WRN: variants seen among roughly 807,000 people sequenced by gnomAD.
WRN encodes the protein bifunctional 3'-5' exonuclease/ATP-dependent helicase WRN.
WRN carries 149 observed loss-of-function variants against 180.7 expected under a neutral mutation model. The ratio of observed to expected loss-of-function variants is 0.82; its 90% CI spans 0.72 to 0.94. WRN has a LOEUF of 0.94. Among genes scored for constraint, WRN ranks in the 40% least tolerant of loss-of-function variants. The pLI is 0.00. For missense variants in WRN, 1,661 were observed against 1,700.1 expected (o/e 0.98, Z 0.40); for synonymous variants, 548 against 568.9 (o/e 0.96, Z 0.52).
intron 33 of WRN, among the ~76,000 whole-genome samples, chr8:31,163,354 A>T (rs1372397714): frequency 1.3e-5 from 2 of 152,238 alleles, no homozygotes; most frequent in African/African-American, 2.4e-5. Context: ...TAGATTTAGA[A>T]ATGAAACTGG....
chr8:31,167,891 G>A (rs1039853249), intron 34 of WRN, among the ~76,000 whole-genome samples: 4 of 151,886 alleles, frequency 2.6e-5, no homozygotes, highest in African/African-American at 9.7e-5. Flanking sequence ...GGTATCTTCC[G>A]GGTCTAAAAT....
chr8:31,132,053 T>C (rs1024554528), intron 23 of WRN, among the ~76,000 whole-genome samples: 3 of 151,420 alleles, frequency 2.0e-5, no homozygotes, highest in Non-Finnish European at 2.9e-5. Context: ...GCTATAAATA[T>C]GGCAACTCTG....
Position 31,081,292 on chromosome 8 carries a change from C to G in WRN, c.1265C>G (p.Thr422Ser). ...CTTAGTGATATTGCTTATAAATCTA[C>G]TGAGGTACTAAATAAAGAGGAAGCA... ...EYLSDIAYKS[T>S]EHLSPNDNEN... The change falls in exon 9 of 35, where the codon ACT becomes AGT. Residue 422 changes from threonine to serine, a missense_variant. This residue lies in a region of WRN where 500 missense variants were observed against 504.1 expected (regional missense o/e 0.99). Coordinates refer to ENST00000298139, the MANE Select transcript of WRN (RefSeq NM_000553.6). 2 of 1,613,322 alleles carry G rather than the reference C, an allele frequency of 1.2e-6. No homozygotes were observed. Among genetic ancestry groups the G allele is most frequent in the Non-Finnish European group, 1.7e-6 (2 of 1,179,512 alleles).
Position 31,059,160 on chromosome 8 carries a change from T to C in WRN, c.104T>C (p.Val35Ala), listed in dbSNP as rs538178496. ...AAATTTACTAAACTCAAGGCATGTG[T>C]TCGGAAGAGTGTTTTTGAAGATGAC... ...RCAVEERKAC[V>A]RKSVFEDDLP... The change falls in exon 3 of 35, where the codon GTT becomes GCT. Residue 35 changes from valine (V) to alanine (A), a missense_variant. Coordinates refer to ENST00000298139, the MANE Select transcript of WRN (RefSeq NM_000553.6). 10 of 1,613,490 alleles carry C rather than the reference T, an allele frequency of 6.2e-6. No homozygotes were observed. In the East Asian group the frequency reaches 2.0e-4, roughly 32 times the overall value.
intron 8 of WRN, among the ~76,000 whole-genome samples, chr8:31,079,340 G>A (rs1434289906): frequency 6.6e-6 from 1 of 152,126 alleles, no homozygotes; most frequent in East Asian, 1.9e-4. Flanking sequence ...AAATTTAAAA[G>A]ACATGTCAGA....
chr8:31,046,730 T>C (rs1811879258), intron 1 of WRN, among the ~76,000 whole-genome samples: 1 of 152,194 alleles, frequency 6.6e-6, no homozygotes. Flanking sequence ...GAAAAAAATA[T>C]CAAAGCTTTG....
At chr8:31,051,842 G>T (rs1267506138) in intron 1 of WRN, among the ~76,000 whole-genome samples, 2 of 152,170 alleles carry the variant, frequency 1.3e-5, no homozygotes, top group Non-Finnish European at 2.9e-5. Context: ...GTCAAAGTTG[G>T]TAAGGTGTCC....
intron 26 of WRN, 41 bp from the exon 27 acceptor site, chr8:31,142,585 C>A: frequency 1.4e-6 from 2 of 1,431,788 alleles, no homozygotes; most frequent in Non-Finnish European, 1.9e-6. Flanking sequence ...TAGATACTTG[C>A]ATCTTAACAT....
At chr8:31,154,205 A>T (rs943491702) in intron 31 of WRN, among the ~76,000 whole-genome samples, 4 of 151,954 alleles carry the variant, frequency 2.6e-5, no homozygotes, top group Non-Finnish European at 4.4e-5. Flanking sequence ...GAGTGTTATG[A>T]TATATTTCCT....
At chr8:31,070,240 C>G (rs1812857457) in intron 7 of WRN, among the ~76,000 whole-genome samples, 1 of 151,630 alleles carries the variant, frequency 6.6e-6, no homozygotes, top group African/African-American at 2.4e-5. Flanking sequence ...TCCTTCCTTT[C>G]TGTTATTCAG....
At chr8:31,134,074 T>C (rs2130383437) in intron 24 of WRN, among the ~76,000 whole-genome samples, 1 of 152,286 alleles carries the variant, frequency 6.6e-6, no homozygotes, top group South Asian at 2.1e-4. Context: ...CCTTGCTAGA[T>C]AAAACTTTTC....
At chr8:31,050,113 A>G in intron 1 of WRN, among the ~76,000 whole-genome samples, 1 of 152,176 alleles carries the variant, frequency 6.6e-6, no homozygotes. Flanking sequence ...TTGTACAAAT[A>G]TAGAACGAAC....
At chr8:31,088,436 C>T (rs1342148907) in intron 12 of WRN, among the ~76,000 whole-genome samples, 6 of 152,060 alleles carry the variant, frequency 3.9e-5, no homozygotes, top group Admixed American at 1.3e-4. Context: ...ACGAGATTTT[C>T]GTAACTAAAT....
intron 7 of WRN, 23 bp from the exon 8 acceptor site, chr8:31,076,150 A>G (rs1813084917): frequency 6.4e-7 from 1 of 1,564,504 alleles, no homozygotes; most frequent in Non-Finnish European, 8.8e-7. Flanking sequence ...TTGAAAATTA[A>G]TATTGATTTT....
chr8:31,140,304 A>G (rs1802569342), intron 24 of WRN, among the ~76,000 whole-genome samples: 1 of 152,056 alleles, frequency 6.6e-6, no homozygotes, highest in Non-Finnish European at 1.5e-5. Flanking sequence ...TACAGGCATG[A>G]ACCACTGTGC....
intron 24 of WRN, among the ~76,000 whole-genome samples, chr8:31,140,837 G>C (rs922972248): frequency 1.3e-5 from 2 of 151,876 alleles, no homozygotes; most frequent in Non-Finnish European, 2.9e-5. Flanking sequence ...CTCACTGCAA[G>C]CTCTGCCTCC....
chr8:31,156,430 C>T (rs1352217951), intron 32 of WRN, among the ~76,000 whole-genome samples: 6 of 152,134 alleles, frequency 3.9e-5, no homozygotes, highest in Non-Finnish European at 8.8e-5. Flanking sequence ...TAATCAGGAG[C>T]AATACTACAA....
intron 1 of WRN, among the ~76,000 whole-genome samples, chr8:31,057,010 C>T (rs1375131356): frequency 6.6e-6 from 1 of 152,122 alleles, no homozygotes; most frequent in Non-Finnish European, 1.5e-5. Flanking sequence ...AACCAGCTTT[C>T]CTTCCCAGTG....
intron 9 of WRN, 53 bp downstream of exon 9, chr8:31,081,349 T>C: frequency 3.2e-6 from 5 of 1,577,400 alleles, no homozygotes; most frequent in Non-Finnish European, 4.3e-6. Context: ...TCTGGCAGAC[T>C]TTATTCCCGT....
Sources: gnomAD v4.1 joint callset for allele counts (sites outside exome capture counted in the v4.1 genomes callset) on GRCh38, gnomAD v4.1.1 for gene constraint, gnomAD v4.1.1 regional missense constraint, MANE v1.5 for transcripts, NCBI Gene and HGNC (gene_info 2026-07-23, HGNC 2026-07-21) for gene names.